Variants in EPRS1 observed in about 807,000 individuals in gnomAD.
EPRS1 encodes bifunctional glutamate/proline--tRNA ligase.
A neutral mutation model predicts 188.3 loss-of-function variants in EPRS1; 107 were observed. The observed-to-expected ratio is 0.57, with a 90% CI of 0.49 to 0.67. The LOEUF (loss-of-function observed/expected upper bound fraction) is 0.67, where lower values mean the gene tolerates loss of function less well. Among genes scored for constraint, EPRS1 ranks in the 30% least tolerant of loss-of-function variants. The probability of loss-of-function intolerance (pLI) is 0.00; values close to 1 mark genes in which losing one functional copy is unlikely to be tolerated. For synonymous variants in EPRS1, 596 were observed against 593.1 expected (o/e 1.00, Z -0.07); for missense variants, 1,577 against 1,802.2 (o/e 0.88, Z 2.26).
At chr1:220,015,964 G>A (rs539254858) in intron 12 of EPRS1, among the ~76,000 whole-genome samples, 1 of 152,036 alleles carries the variant, frequency 6.6e-6, no homozygotes, top group African/African-American at 2.4e-5. Flanking sequence ...AGCACAGAAG[G>A]CTCTGGCAAA....
At position 220,019,897 on chromosome 1, in the gene EPRS1, C is replaced by T. The variant is rs535825775; in HGVS notation, c.1349+91G>A. On this transcript the variant is annotated intron_variant, in intron 10 of 31. Transcript: ENST00000366923. ...ATAGGCCTACCCATTCCCCCTCCTC[C>T]CAATCACCTTCCCTATCTCTCAAGC... The T allele has an allele frequency of 1.4e-5, 12 of 849,066 alleles. No homozygotes were observed. In the South Asian group the frequency reaches 1.9e-4, roughly 14 times the overall value. 52.6% of individuals were successfully genotyped at this position (849,066 alleles called of 1,614,324 possible).
At chr1:219,982,871 CT>C (rs750699383) in intron 22 of EPRS1, 27 bp from the exon 23 acceptor site, 16 of 1,603,758 alleles carry the variant, frequency 1.0e-5, no homozygotes, top group East Asian at 2.2e-5. Context: ...ATTTTTCATA[CT>C]TTTTTTTCAA....
intron 11 of EPRS1, 31 bp downstream of exon 11, chr1:220,018,964 C>G: frequency 6.8e-7 from 1 of 1,475,722 alleles, no homozygotes; most frequent in African/African-American, 1.4e-5. Context: ...AAATTTCAAA[C>G]AGACAAGCTG....
At chr1:220,024,138 C>T (rs1414531427) in intron 8 of EPRS1, 126 bp downstream of exon 8, 13 of 661,842 alleles carry the variant, frequency 2.0e-5, no homozygotes, top group South Asian at 9.2e-5. Flanking sequence ...GGCAACAGAG[C>T]GAGACTCCTT....
chr1:220,005,198 T>C (rs1458824160), intron 16 of EPRS1, 50 bp downstream of exon 16: 2 of 779,340 alleles, frequency 2.6e-6, no homozygotes, highest in East Asian at 2.8e-5. Context: ...TATTACTCAC[T>C]ATAACAACTT....
intron 29 of EPRS1, among the ~76,000 whole-genome samples, chr1:219,972,745 T>A (rs559187632): frequency 6.6e-6 from 1 of 152,312 alleles, no homozygotes; most frequent in South Asian, 2.1e-4. Context: ...AGGGCGGCCC[T>A]AAGGCCTTCC....
intron 28 of EPRS1, among the ~76,000 whole-genome samples, chr1:219,973,754 G>A (rs1660717463): frequency 1.3e-5 from 2 of 152,264 alleles, no homozygotes; most frequent in Middle Eastern, 3.4e-3. Flanking sequence ...AAGCCACTGA[G>A]GGGATCAGTA....
At chr1:219,982,657 T>C in intron 23 of EPRS1, 115 bp downstream of exon 23, 1 of 749,986 alleles carries the variant, frequency 1.3e-6, no homozygotes, top group East Asian at 2.6e-5. Flanking sequence ...ATTCATGAAA[T>C]GTTATATCGT....
At position 219,980,037 on chromosome 1, in the gene EPRS1, T is replaced by C. The variant is rs373651698; in HGVS notation, c.3711+48A>G. ...CAGAAGAAATTATTGGATCTGTCCATGGACTGTGCTTACAGTGACCTACGA... is the reference window on the plus strand; with the variant it reads ...CAGAAGAAATTATTGGATCTGTCCACGGACTGTGCTTACAGTGACCTACGA... On this transcript the variant is annotated intron_variant, in intron 26 of 31. Transcript: ENST00000366923. 14 of 1,541,906 alleles carry C rather than the reference T, an allele frequency of 9.1e-6. No homozygotes were observed. In the African/African-American group the frequency reaches 1.9e-4, roughly 21 times the overall value.
intron 12 of EPRS1, among the ~76,000 whole-genome samples, chr1:220,014,530 A>T (rs6541120): frequency 0.8 from 121,971 of 152,080 alleles, 49,079 homozygotes; most frequent in East Asian, 0.93. Context: ...ACGAGAGACA[A>T]TGGGAATAAG....
At chr1:219,995,254 T>C (rs942801272) in intron 18 of EPRS1, among the ~76,000 whole-genome samples, 1 of 152,216 alleles carries the variant, frequency 6.6e-6, no homozygotes, top group African/African-American at 2.4e-5. Context: ...GAAAGCATGA[T>C]GTAACCCATT....
chr1:220,015,096 G>A lies in EPRS1; in HGVS notation c.1494+3353C>T, dbSNP rs561401523. 2.0e-5 allele frequency among the ~76,000 whole-genome samples: 3 copies of A among 152,256 alleles called. No homozygotes were observed. The South Asian group carries it at 6.2e-4, about 32-fold the overall frequency. ...GAAAATAAGACAGAACACGAAACAA[G>A]AGTACCAGTCCAAGAGGCCCAACAT... is the stretch of plus-strand genomic sequence containing the variant. On this transcript the variant is annotated intron_variant, in intron 12 of 31. Transcript: ENST00000366923.
rs1192608457 is a variant in EPRS1, at chr1:220,046,373, G to C, written c.16C>G (p.Leu6Val). Residue 6 changes from leucine (L) to valine (V), a missense_variant, in exon 1 of 32, where the codon CTG (leucine) becomes GTG (valine). Transcript: ENST00000366923. MATLS[L>V]TVNSGDPPLG... ...GGAGGGTCTCCTGAATTCACGGTCA[G>C]AGAGAGCGTCGCCATCTCCACCAGT... 1 of 1,614,110 alleles carries C rather than the reference G, an allele frequency of 6.2e-7. No homozygotes were observed. Among genetic ancestry groups the C allele is most frequent in the Non-Finnish European group, 8.5e-7 (1 of 1,180,002 alleles).
At chr1:220,037,641 T>C (rs1451525940) in intron 2 of EPRS1, among the ~76,000 whole-genome samples, 1 of 152,008 alleles carries the variant, frequency 6.6e-6, no homozygotes, top group Admixed American at 6.6e-5. Context: ...ATGTTTTCAA[T>C]TTCCAAAAGC....
Position 220,019,142 on chromosome 1 carries a change from A to G in EPRS1, c.1350-63T>C, listed in dbSNP as rs981215663. 1.2e-5 allele frequency: 12 copies of G among 967,134 alleles called. No homozygotes were observed. In the Admixed American group the frequency reaches 1.6e-4, roughly 13 times the overall value. The allele number at this position is 967,134 out of a possible 1,614,324, so 59.9% of individuals were successfully genotyped here. A position where few individuals can be genotyped will look rare whatever the true frequency, so the allele number is the denominator to read the frequency against. The stretch of plus-strand genomic sequence containing the variant: ...GTAATGTGTAGATGTGGAGAGTAGA[A>G]GATACTTAATCAATAATAAATCATA... On this transcript the variant is annotated intron_variant, in intron 10 of 31. Coordinates refer to ENST00000366923, the MANE Select transcript of EPRS1 (RefSeq NM_004446.3).
chr1:219,992,670 T>C (rs1661146337), intron 18 of EPRS1, among the ~76,000 whole-genome samples: 1 of 152,232 alleles, frequency 6.6e-6, no homozygotes, highest in African/African-American at 2.4e-5. Context: ...CTCACGCCTG[T>C]AATCCCAGCA....
intron 2 of EPRS1, among the ~76,000 whole-genome samples, chr1:220,038,044 G>A (rs1313594985): frequency 6.6e-6 from 1 of 150,530 alleles, no homozygotes; most frequent in Non-Finnish European, 1.5e-5. Flanking sequence ...GTGACTGTGT[G>A]TATGTAGTGG....
intron 26 of EPRS1, 141 bp downstream of exon 26, chr1:219,979,944 A>T (rs985832281): frequency 4.9e-5 from 37 of 755,608 alleles, no homozygotes; most frequent in Non-Finnish European, 2.8e-5. Context: ...AATGGGATAG[A>T]TTTGTTTGAA....
At position 219,979,432 on chromosome 1, in the gene EPRS1, C is replaced by T. The variant is rs953149489; in HGVS notation, c.3895G>A (p.Val1299Ile). The T allele has an allele frequency of 7.4e-6, 12 of 1,612,578 alleles. No homozygotes were observed. Among genetic ancestry groups the T allele is most frequent in the Non-Finnish European group, 1.0e-5 (12 of 1,178,880 alleles). The change falls in exon 27 of 32, where the codon GTA becomes ATA. Residue 1299 changes from valine (V) to isoleucine (I), a missense_variant. Around this residue, in one of 3 missense-constraint regions of EPRS1, gnomAD observed 296 missense variants for 327.9 expected, o/e 0.90. Transcript: ENST00000366923. ...ATTTTCCTTACCTGAACACATGCTA[C>T]ACGGGGTGGTAATACTAAACCCATG... ...DNMGLVLPPR[V>I]ACVQVVIIPC... is the part of the protein sequence containing the mutation.
Sources: allele counts gnomAD v4.1 joint callset (sites outside exome capture counted in the v4.1 genomes callset), GRCh38; gene constraint gnomAD v4.1.1; regional missense constraint gnomAD v4.1.1; transcripts MANE v1.5; gene names NCBI Gene and HGNC (gene_info 2026-07-23, HGNC 2026-07-21).